NPAS3: variants seen among roughly 807,000 people sequenced by gnomAD.
NPAS3 encodes neuronal PAS domain-containing protein 3.
A neutral mutation model predicts 73.1 loss-of-function variants in NPAS3; 14 were observed. The observed-to-expected ratio is 0.19, with a 90% CI of 0.13 to 0.30. The LOEUF (loss-of-function observed/expected upper bound fraction) is 0.30, where lower values mean the gene tolerates loss of function less well. NPAS3 is among the 10% of genes least tolerant of loss of function. The pLI is 1.00. For synonymous variants in NPAS3, 620 were observed against 541.5 expected, an observed-to-expected ratio of 1.14 and a Z score of -2.01; for missense variants, 1,096 against 1,250.0, an observed-to-expected ratio of 0.88 and a Z score of 1.86.
At chr14:33,351,020 A>T (rs974355484) in intron 3 of NPAS3, among the ~76,000 whole-genome samples, 10 of 152,164 alleles carry the variant, frequency 6.6e-5, no homozygotes, top group Admixed American at 2.0e-4. Context: ...CATGAACCTT[A>T]TTCCCCCTTT....
At chr14:32,943,693 CTTTTTTTT>C (rs11331212) in intron 1 of NPAS3, among the ~76,000 whole-genome samples, 1 of 122,316 alleles carries the variant, frequency 8.2e-6, no homozygotes, top group Admixed American at 8.1e-5. Flanking sequence ...TTTTCTTTTT[CTTTTTTTT>C]TTTTTTTTTA....
intron 4 of NPAS3, among the ~76,000 whole-genome samples, chr14:33,546,114 A>G (rs897580933): frequency 2.0e-5 from 3 of 152,184 alleles, no homozygotes; most frequent in Non-Finnish European, 4.4e-5. Context: ...CCTCTATAGC[A>G]TAGAAACCCC....
chr14:33,224,665 A>C (rs988381134), intron 3 of NPAS3, among the ~76,000 whole-genome samples: 4 of 152,058 alleles, frequency 2.6e-5, no homozygotes, highest in Non-Finnish European at 4.4e-5. Flanking sequence ...TTTTCTCTCT[A>C]TGTTCCGCTA....
chr14:33,416,771 C>T (rs2048165158), intron 4 of NPAS3, among the ~76,000 whole-genome samples: 1 of 151,782 alleles, frequency 6.6e-6, no homozygotes, highest in African/African-American at 2.4e-5. Flanking sequence ...AAAAATGAAA[C>T]CGATTGTTTA....
At position 33,283,039 on chromosome 14, in the gene NPAS3, G is replaced by C. The variant is rs147729465; in HGVS notation, c.385+67613G>C. 3.3e-5 allele frequency among the ~76,000 whole-genome samples: 5 copies of C among 152,290 alleles called. No individual in the cohort carries two copies. The East Asian group carries it at 9.6e-4, about 29-fold the overall frequency. On this transcript the variant is annotated intron_variant, in intron 3 of 11. Coordinates refer to ENST00000356141, the Ensembl canonical transcript of NPAS3. Reference sequence around the variant, plus strand: ...AATTACTCATCAGCTGTCCACATGTGACTCTGCCCCACAGTCTATTATGAG... The same window carrying C: ...AATTACTCATCAGCTGTCCACATGTCACTCTGCCCCACAGTCTATTATGAG...
At chr14:33,249,345 C>G (rs542422291) in intron 3 of NPAS3, among the ~76,000 whole-genome samples, 1 of 40,880 alleles carries the variant, frequency 2.4e-5, no homozygotes, top group South Asian at 9.2e-4. Flanking sequence ...TCCCGTCCCC[C>G]CCACCTTTTT....
intron 4 of NPAS3, among the ~76,000 whole-genome samples, chr14:33,458,463 G>A (rs1293368487): frequency 6.6e-6 from 1 of 152,148 alleles, no homozygotes; most frequent in East Asian, 1.9e-4. Flanking sequence ...GGCGAAAAAA[G>A]AAATACCATG....
At chr14:33,330,260 TAAC>T (rs1376373410) in intron 3 of NPAS3, among the ~76,000 whole-genome samples, 2 of 152,026 alleles carry the variant, frequency 1.3e-5, no homozygotes, top group South Asian at 2.1e-4. Context: ...ACAACCACAA[TAAC>T]AACAACAACA....
intron 5 of NPAS3, among the ~76,000 whole-genome samples, chr14:33,577,216 G>A (rs892287193): frequency 1.3e-5 from 2 of 152,042 alleles, no homozygotes; most frequent in Non-Finnish European, 2.9e-5. Flanking sequence ...GATAAAGAAG[G>A]GCTCAGTTTT....
intron 2 of NPAS3, among the ~76,000 whole-genome samples, chr14:33,136,392 G>A (rs953440238): frequency 2.6e-5 from 4 of 151,978 alleles, no homozygotes; most frequent in Non-Finnish European, 2.9e-5. Context: ...AAAGTTCTTC[G>A]GTTCTGAAAA....
chr14:33,388,296 A>G (rs1192754555), intron 4 of NPAS3, among the ~76,000 whole-genome samples: 1 of 151,090 alleles, frequency 6.6e-6, no homozygotes, highest in African/African-American at 2.5e-5. Context: ...CCTGCCTTCA[A>G]GAAACACAAA....
At chr14:33,217,840 C>T (rs922124449) in intron 3 of NPAS3, among the ~76,000 whole-genome samples, 2 of 152,122 alleles carry the variant, frequency 1.3e-5, no homozygotes, top group African/African-American at 2.4e-5. Context: ...TGCAATTCAG[C>T]GTTAGCATAT....
At chr14:33,654,123 G>C (rs2059076760) in intron 5 of NPAS3, among the ~76,000 whole-genome samples, 1 of 151,416 alleles carries the variant, frequency 6.6e-6, no homozygotes. Flanking sequence ...GCATTTCCTT[G>C]TTTATTCTTC....
chr14:33,617,391 G>GA (rs1282957526), intron 5 of NPAS3, among the ~76,000 whole-genome samples: 1 of 152,134 alleles, frequency 6.6e-6, no homozygotes, highest in Non-Finnish European at 1.5e-5. Context: ...CCTTGGGAAA[G>GA]AAAATCCCAG....
intron 1 of NPAS3, among the ~76,000 whole-genome samples, chr14:33,043,535 G>A (rs975499976): frequency 6.6e-6 from 1 of 152,124 alleles, no homozygotes; most frequent in Non-Finnish European, 1.5e-5. Flanking sequence ...ACTTGAGGAA[G>A]CAGATTCTCC....
chr14:33,606,730 A>T (rs1030467126), intron 5 of NPAS3, among the ~76,000 whole-genome samples: 1 of 151,966 alleles, frequency 6.6e-6, no homozygotes, highest in Non-Finnish European at 1.5e-5. Flanking sequence ...ACTTAAAAGA[A>T]AGAAGTGATG....
At chr14:33,774,414 T>A (rs966560147) in exon 8 of NPAS3, 1 of 1,614,142 alleles carries the variant, frequency 6.2e-7, no homozygotes, top group African/African-American at 1.3e-5. Flanking sequence ...AAATCATGGG[T>A]CTCGTGGTTG....
intron 3 of NPAS3, among the ~76,000 whole-genome samples, chr14:33,283,919 A>G (rs1412329540): frequency 2.6e-5 from 4 of 152,166 alleles, no homozygotes; most frequent in Admixed American, 2.6e-4. Flanking sequence ...AAACCCTGTG[A>G]GGATCAGAAT....
intron 2 of NPAS3, among the ~76,000 whole-genome samples, chr14:33,207,647 A>G (rs2046880524): frequency 6.6e-6 from 1 of 152,288 alleles, no homozygotes; most frequent in African/African-American, 2.4e-5. Flanking sequence ...ATTCTTTTCC[A>G]CAAACATCCA....
Sources: gnomAD v4.1 joint callset for allele counts (sites outside exome capture counted in the v4.1 genomes callset) on GRCh38, gnomAD v4.1.1 for gene constraint, MANE v1.5 for transcripts, NCBI Gene and HGNC (gene_info 2026-07-23, HGNC 2026-07-21) for gene names.